EYS: variants seen among roughly 807,000 people sequenced by gnomAD.
EYS encodes EGF-like photoreceptor maintenance factor, also known as protein eyes shut homolog.
EYS carries 250 observed loss-of-function variants against 282.1 expected under a neutral mutation model. The ratio of observed to expected loss-of-function variants is 0.89; its 90% CI spans 0.80 to 0.98. EYS has a LOEUF of 0.98. Among genes scored for constraint, EYS ranks in the 50% least tolerant of loss-of-function variants. The pLI is 0.00. For synonymous variants in EYS, 1,355 were observed against 1,282.9 expected, an observed-to-expected ratio of 1.06 and a Z score of -1.20; for missense variants, 4,016 against 3,709.0, an observed-to-expected ratio of 1.08 and a Z score of -2.15.
chr6:64,662,864 C>T (rs1316860896), intron 22 of EYS, among the ~76,000 whole-genome samples: 1 of 150,390 alleles, frequency 6.6e-6, no homozygotes, highest in Non-Finnish European at 1.5e-5. Flanking sequence ...TCAAGGAATT[C>T]TGACTTGAGA....
chr6:63,882,042 A>G (rs1773145892), intron 35 of EYS, among the ~76,000 whole-genome samples: 1 of 152,182 alleles, frequency 6.6e-6, no homozygotes, highest in Admixed American at 6.6e-5. Context: ...GAAGAGACAC[A>G]CTAGAACTTT....
At chr6:65,137,649 G>A (rs1214784941) in intron 12 of EYS, among the ~76,000 whole-genome samples, 2 of 151,984 alleles carry the variant, frequency 1.3e-5, no homozygotes, top group Non-Finnish European at 2.9e-5. Flanking sequence ...CTGGATATAA[G>A]GAGATGGAAA....
chr6:65,155,724 C>A (rs1030624940), intron 12 of EYS, among the ~76,000 whole-genome samples: 1 of 151,402 alleles, frequency 6.6e-6, no homozygotes, highest in South Asian at 2.1e-4. Flanking sequence ...AGAAAGTTGT[C>A]TATTATGTAA....
At chr6:63,939,442 CAAAA>C (rs1467383917) in intron 35 of EYS, among the ~76,000 whole-genome samples, 1 of 151,986 alleles carries the variant, frequency 6.6e-6, no homozygotes, top group Non-Finnish European at 1.5e-5. Flanking sequence ...TCAGTTTTGA[CAAAA>C]GAAAGAGTAA....
intron 35 of EYS, among the ~76,000 whole-genome samples, chr6:63,878,108 T>G (rs1773028699): frequency 6.6e-6 from 1 of 152,212 alleles, no homozygotes; most frequent in Non-Finnish European, 1.5e-5. Flanking sequence ...CTTTGTGGTT[T>G]TATCTACCTT....
At chr6:64,084,663 AC>A (rs915541181) in intron 31 of EYS, among the ~76,000 whole-genome samples, 19 of 152,190 alleles carry the variant, frequency 1.2e-4, no homozygotes, top group African/African-American at 4.3e-4. Flanking sequence ...GGTTCCAAGA[AC>A]CTTAAGAAAG....
At chr6:65,538,120 G>C (rs1014934911) in intron 2 of EYS, among the ~76,000 whole-genome samples, 1 of 152,110 alleles carries the variant, frequency 6.6e-6, no homozygotes, top group Non-Finnish European at 1.5e-5. Flanking sequence ...ACTTTAAAGA[G>C]TTTCTAGCAA....
chr6:64,269,345 G>A (rs1219350770), intron 30 of EYS, among the ~76,000 whole-genome samples: 5 of 151,978 alleles, frequency 3.3e-5, no homozygotes, highest in Middle Eastern at 3.2e-3. Flanking sequence ...TTCATAGAAT[G>A]AAATAAAAAT....
chr6:64,577,607 A>C (rs970728637), intron 26 of EYS, among the ~76,000 whole-genome samples: 4 of 152,078 alleles, frequency 2.6e-5, no homozygotes, highest in African/African-American at 9.7e-5. Flanking sequence ...AGAGTTCCTC[A>C]ATTCAACGTG....
At chr6:63,885,577 T>C (rs1773242500) in intron 35 of EYS, among the ~76,000 whole-genome samples, 1 of 152,216 alleles carries the variant, frequency 6.6e-6, no homozygotes, top group South Asian at 2.1e-4. Context: ...GGTGTGACCA[T>C]ATCTGATCAA....
At chr6:64,633,978 GTT>G (rs1767882204) in intron 22 of EYS, among the ~76,000 whole-genome samples, 1 of 152,020 alleles carries the variant, frequency 6.6e-6, no homozygotes, top group Admixed American at 6.6e-5. Context: ...AAATGCTTGT[GTT>G]TGTTTCTTTG....
At chr6:65,153,878 T>C (rs1764675404) in intron 12 of EYS, among the ~76,000 whole-genome samples, 1 of 151,870 alleles carries the variant, frequency 6.6e-6, no homozygotes, top group Non-Finnish European at 1.5e-5. Flanking sequence ...TATTATGGCC[T>C]TCTCTTCACA....
rs781222768 is a variant in EYS, at chr6:64,822,805, T to C, written c.3010A>G (p.Asn1004Asp). ...PGYTGINCEI[N>D]LDECLSEPCL... ...GGCTCTGATAGGCATTCATCTAGAT[T>C]TATTTCACAGTTGATGCCTGTGTTG... Residue 1004 changes from asparagine to aspartate, a missense_variant, in exon 20 of 43, where the codon AAT becomes GAT. Asn to Asp is a conservative substitution (Grantham distance 23). Coordinates refer to ENST00000503581, the MANE Select transcript of EYS (RefSeq NM_001142800.2). The C allele has an allele frequency of 8.4e-6, 13 of 1,549,218 alleles. No individual in the cohort carries two copies. In the African/African-American group the frequency reaches 1.5e-4, roughly 18 times the overall value.
intron 9 of EYS, among the ~76,000 whole-genome samples, chr6:65,346,290 A>G (rs1363284823): frequency 6.6e-6 from 1 of 151,770 alleles, no homozygotes; most frequent in Non-Finnish European, 1.5e-5. Flanking sequence ...AGAGAGAACA[A>G]ATCTTTATAA....
intron 15 of EYS, among the ~76,000 whole-genome samples, chr6:64,929,658 G>A (rs1209489602): frequency 6.6e-6 from 1 of 152,068 alleles, no homozygotes; most frequent in Non-Finnish European, 1.5e-5. Context: ...ACTCCTTTTT[G>A]ATAAAATTTG....
intron 15 of EYS, among the ~76,000 whole-genome samples, chr6:64,935,258 G>C (rs1017588165): frequency 6.6e-6 from 1 of 151,632 alleles, no homozygotes. Context: ...AAGACATATA[G>C]AAAACAAATG....
chr6:63,749,110 A>T (rs1212769914), intron 41 of EYS, among the ~76,000 whole-genome samples: 2 of 152,020 alleles, frequency 1.3e-5, no homozygotes, highest in Non-Finnish European at 2.9e-5. Context: ...ACTTTTTGAT[A>T]TGGGTGTTCA....
At chr6:64,252,834 G>A (rs1478901595) in intron 30 of EYS, among the ~76,000 whole-genome samples, 1 of 152,090 alleles carries the variant, frequency 6.6e-6, no homozygotes, top group Non-Finnish European at 1.5e-5. Flanking sequence ...ACCCTATACT[G>A]CAATAGCTTA....
chr6:64,528,279 A>G (rs187071798), intron 26 of EYS, among the ~76,000 whole-genome samples: 146 of 151,924 alleles, frequency 9.6e-4, no homozygotes, highest in Non-Finnish European at 1.3e-3. Context: ...TCATTTATCT[A>G]CCAGGGACTT....
Sources: gnomAD v4.1 joint callset for allele counts (sites outside exome capture counted in the v4.1 genomes callset) on GRCh38, gnomAD v4.1.1 for gene constraint, MANE v1.5 for transcripts, NCBI Gene and HGNC (gene_info 2026-07-23, HGNC 2026-07-21) for gene names.